VEPH1: variants seen among roughly 807,000 people sequenced by gnomAD.
The protein encoded by VEPH1 is ventricular zone-expressed PH domain-containing protein homolog 1.
VEPH1 carries 80 observed loss-of-function variants against 85.2 expected under a neutral mutation model. That is an observed-to-expected ratio of 0.94 (90% confidence interval 0.78 to 1.13). The LOEUF is 1.13. Among genes scored for constraint, VEPH1 ranks in the 50% most tolerant of loss-of-function variants. The pLI is 0.00. For missense variants in VEPH1, 955 were observed against 980.5 expected, an observed-to-expected ratio of 0.97 and a Z score of 0.35; for synonymous variants, 297 against 348.0, an observed-to-expected ratio of 0.85 and a Z score of 1.63.
At chr3:157,294,983 A>G (rs980655867) in intron 11 of VEPH1, among the ~76,000 whole-genome samples, 3 of 152,162 alleles carry the variant, frequency 2.0e-5, no homozygotes, top group Non-Finnish European at 2.9e-5. Context: ...TCTAAAGGGT[A>G]AAAGTAAGAA....
intron 12 of VEPH1, among the ~76,000 whole-genome samples, chr3:157,281,993 G>A (rs1716189379): frequency 6.6e-6 from 1 of 152,094 alleles, no homozygotes; most frequent in Admixed American, 6.6e-5. Flanking sequence ...TTGGCATCTA[G>A]AGTGGAAAAA....
chr3:157,432,904 A>G (rs997450024), intron 4 of VEPH1, among the ~76,000 whole-genome samples: 12 of 152,096 alleles, frequency 7.9e-5, no homozygotes, highest in African/African-American at 2.9e-4. Flanking sequence ...GTCTATGTAG[A>G]TCTTTTTATG....
chr3:157,339,830 T>C (rs983913903), intron 9 of VEPH1, among the ~76,000 whole-genome samples: 2 of 152,156 alleles, frequency 1.3e-5, no homozygotes, highest in Non-Finnish European at 2.9e-5. Context: ...TGTTTTATGG[T>C]TGTGGTATTC....
chr3:157,275,660 A>C (rs1715299701), intron 12 of VEPH1, among the ~76,000 whole-genome samples: 1 of 152,166 alleles, frequency 6.6e-6, no homozygotes, highest in Non-Finnish European at 1.5e-5. Context: ...TATTGATTAG[A>C]TATTGAAATA....
intron 4 of VEPH1, among the ~76,000 whole-genome samples, chr3:157,457,842 C>T (rs1335630363): frequency 1.3e-5 from 2 of 152,092 alleles, no homozygotes; most frequent in South Asian, 4.2e-4. Context: ...TGTTGTGTCT[C>T]TGCCAGATTT....
chr3:157,460,208 C>T lies in VEPH1; in HGVS notation c.502G>A (p.Glu168Lys). ...TKADLLADHT[E>K]VIVKSILQGN... ...TGGAGTATGCTCTTTACTATAACTT[C>T]CGTGTGATCAGCCAGGAGATCTGCC... is the stretch of plus-strand genomic sequence containing the variant. Residue 168 changes from glutamate to lysine, a missense_variant, in exon 4 of 14, where the codon GAA (glutamate) becomes AAA (lysine). By Grantham distance (56) the Glu-to-Lys change is moderately conservative. Transcript: ENST00000362010. 3 of 1,614,144 alleles carry T rather than the reference C, an allele frequency of 1.9e-6. No individual in the cohort carries two copies. The highest frequency in any genetic ancestry group is 2.5e-6 in the Non-Finnish European group (3 of 1,180,036).
chr3:157,337,889 A>G (rs1723117451), intron 9 of VEPH1, among the ~76,000 whole-genome samples: 1 of 152,204 alleles, frequency 6.6e-6, no homozygotes, highest in African/African-American at 2.4e-5. Flanking sequence ...TCTGAAGATC[A>G]TTGGATATAG....
intron 5 of VEPH1, among the ~76,000 whole-genome samples, chr3:157,418,357 T>C (rs113816784): frequency 1.3e-5 from 2 of 152,190 alleles, no homozygotes; most frequent in Admixed American, 6.5e-5. Context: ...TGAAGATTGA[T>C]GGATATATCT....
chr3:157,372,874 T>A (rs1161878112), intron 7 of VEPH1, among the ~76,000 whole-genome samples: 2 of 152,260 alleles, frequency 1.3e-5, no homozygotes, highest in Non-Finnish European at 2.9e-5. Context: ...TTCTAACTTC[T>A]TATTTTCTTA....
chr3:157,263,594 C>T (rs1339106491), intron 13 of VEPH1, among the ~76,000 whole-genome samples: 1 of 152,000 alleles, frequency 6.6e-6, no homozygotes, highest in Non-Finnish European at 1.5e-5. Flanking sequence ...TTTAAGTTTC[C>T]AATAGCTGTC....
chr3:157,306,583 G>A (rs1259965423), intron 11 of VEPH1, among the ~76,000 whole-genome samples: 1 of 151,766 alleles, frequency 6.6e-6, no homozygotes, highest in Non-Finnish European at 1.5e-5. Context: ...GGTTGCTCCT[G>A]ATTTTTTGCT....
chr3:157,313,849 G>T, intron 10 of VEPH1, 94 bp from the exon 11 acceptor site: 1 of 1,428,602 alleles, frequency 7.0e-7, no homozygotes, highest in South Asian at 1.3e-5. Flanking sequence ...GGCTTGGTTT[G>T]AACTTTAACA....
At position 157,442,548 on chromosome 3, in the gene VEPH1, T is replaced by C; in HGVS notation, c.530-14060A>G. 1 of 1,614,014 alleles carries C rather than the reference T, an allele frequency of 6.2e-7. No homozygotes were observed. Among genetic ancestry groups the C allele is most frequent in the Non-Finnish European group, 8.5e-7 (1 of 1,179,882 alleles). ...GAGGAATCCATATGAAATCCAGCTGTATCTCAGCTACCAATCCATAGTGTT... is the reference window on the plus strand; with the variant it reads ...GAGGAATCCATATGAAATCCAGCTGCATCTCAGCTACCAATCCATAGTGTT... On this transcript the variant is annotated intron_variant, in intron 4 of 13. Coordinates refer to ENST00000362010, the MANE Select transcript of VEPH1 (RefSeq NM_001167912.2).
chr3:157,349,791 C>T (rs1169336618), intron 9 of VEPH1, among the ~76,000 whole-genome samples: 4 of 152,188 alleles, frequency 2.6e-5, no homozygotes, highest in African/African-American at 7.2e-5. Context: ...ATACAAACCA[C>T]CACCACCTAC....
chr3:157,348,087 C>G lies in VEPH1; in HGVS notation c.1735+15277G>C, dbSNP rs1279267098. Among the ~76,000 whole-genome samples, 3 of 152,144 alleles carry G rather than the reference C, an allele frequency of 2.0e-5. No individual in the cohort carries two copies. In the East Asian group the frequency reaches 5.8e-4, roughly 29 times the overall value. ...GGGATTCGCTGTGATTCTGGTCTTG[C>G]GTAGCAGGGAAACCACCTCATGCTC... On this transcript the variant is annotated intron_variant, in intron 9 of 13. Transcript: ENST00000362010.
chr3:157,442,618 T>C (rs749806282), intron 4 of VEPH1: 2 of 1,614,216 alleles, frequency 1.2e-6, no homozygotes, highest in South Asian at 2.2e-5. Context: ...GAAGCCATGG[T>C]TTCCCTGGGA....
At chr3:157,274,414 G>A (rs540239695) in intron 12 of VEPH1, among the ~76,000 whole-genome samples, 2 of 152,290 alleles carry the variant, frequency 1.3e-5, no homozygotes, top group South Asian at 4.2e-4. Context: ...TGCAGTCTTT[G>A]AACTTGGACC....
intron 2 of VEPH1, among the ~76,000 whole-genome samples, chr3:157,487,532 A>G (rs1738764318): frequency 6.6e-6 from 1 of 152,164 alleles, no homozygotes; most frequent in Non-Finnish European, 1.5e-5. Context: ...ACTCTTGCAG[A>G]TAACAAAATG....
intron 5 of VEPH1, among the ~76,000 whole-genome samples, chr3:157,415,793 T>C (rs1479461718): frequency 6.6e-6 from 1 of 152,182 alleles, no homozygotes; most frequent in African/African-American, 2.4e-5. Context: ...GCTGGGATTT[T>C]ACTCATGTGA....
Sources: gnomAD v4.1 joint callset for allele counts (sites outside exome capture counted in the v4.1 genomes callset) on GRCh38, gnomAD v4.1.1 for gene constraint, MANE v1.5 for transcripts, NCBI Gene and HGNC (gene_info 2026-07-23, HGNC 2026-07-21) for gene names.